Variants in PPP2R5E observed in about 807,000 individuals in gnomAD.
PPP2R5E encodes the protein serine/threonine-protein phosphatase 2A 56 kDa regulatory subunit epsilon isoform.
PPP2R5E carries 4 observed loss-of-function variants against 65.3 expected under a neutral mutation model. The observed-to-expected ratio is 0.06, with a 90% confidence interval of 0.03 to 0.14. The LOEUF is 0.14. PPP2R5E is among the 10% of genes least tolerant of loss of function. The pLI is 1.00. For synonymous variants in PPP2R5E, 183 were observed against 187.4 expected, an observed-to-expected ratio of 0.98 and a Z score of 0.19; for missense variants, 274 against 556.1, an observed-to-expected ratio of 0.49 and a Z score of 5.10.
chr14:63,512,314 A>G (rs1476643633), intron 2 of PPP2R5E, among the ~76,000 whole-genome samples: 1 of 152,164 alleles, frequency 6.6e-6, no homozygotes, highest in Non-Finnish European at 1.5e-5. Context: ...TCCTTAGCAG[A>G]TACAGATAGA....
chr14:63,540,723 A>G (rs1228434130), intron 1 of PPP2R5E, among the ~76,000 whole-genome samples: 1 of 127,654 alleles, frequency 7.8e-6, no homozygotes, highest in Non-Finnish European at 1.5e-5. Flanking sequence ...ACTCCTTCTC[A>G]AAAAAAAAAA....
At chr14:63,516,642 C>T (rs925139477) in intron 2 of PPP2R5E, among the ~76,000 whole-genome samples, 1 of 152,190 alleles carries the variant, frequency 6.6e-6, no homozygotes, top group Non-Finnish European at 1.5e-5. Context: ...CATTTGGCAA[C>T]CACCACCAAT....
chr14:63,424,184 G>A (rs918747210), intron 3 of PPP2R5E, among the ~76,000 whole-genome samples: 1 of 152,188 alleles, frequency 6.6e-6, no homozygotes, highest in Non-Finnish European at 1.5e-5. Flanking sequence ...ACTAATTAAG[G>A]ACAAGACATA....
chr14:63,505,981 G>C (rs1259360962), intron 2 of PPP2R5E, among the ~76,000 whole-genome samples: 1 of 152,110 alleles, frequency 6.6e-6, no homozygotes, highest in African/African-American at 2.4e-5. Flanking sequence ...TTCAATAAAA[G>C]GTAGTGTTTC....
chr14:63,465,662 G>A (rs1032605114), intron 2 of PPP2R5E, among the ~76,000 whole-genome samples: 2 of 151,936 alleles, frequency 1.3e-5, no homozygotes, highest in Non-Finnish European at 2.9e-5. Flanking sequence ...TTAATTTTTT[G>A]TTAAAATTTT....
intron 1 of PPP2R5E, among the ~76,000 whole-genome samples, chr14:63,540,114 G>A (rs1169685964): frequency 7.3e-6 from 1 of 137,346 alleles, no homozygotes; most frequent in Non-Finnish European, 1.5e-5. Context: ...GAGTGACAGA[G>A]TGAGATTCCG....
At chr14:63,420,620 A>G (rs1002637913) in intron 4 of PPP2R5E, among the ~76,000 whole-genome samples, 2 of 152,214 alleles carry the variant, frequency 1.3e-5, no homozygotes, top group African/African-American at 2.4e-5. Flanking sequence ...ACACGTGTGT[A>G]CTTGCAGAAA....
chr14:63,417,275 C>G (rs960322351), intron 4 of PPP2R5E, among the ~76,000 whole-genome samples: 1 of 152,162 alleles, frequency 6.6e-6, no homozygotes, highest in Non-Finnish European at 1.5e-5. Flanking sequence ...CTTTGGGAAG[C>G]TGCAAGCTCA....
Position 63,399,094 on chromosome 14 carries a change from T to G in PPP2R5E, c.550-2378A>C, listed in dbSNP as rs186481126. 1.3e-3 allele frequency among the ~76,000 whole-genome samples: 199 copies of G among 152,266 alleles called. 2 individuals are homozygous for G. The highest frequency in any genetic ancestry group is 4.7e-3 in the African/African-American group (197 of 41,568). On this transcript the variant is annotated intron_variant, in intron 5 of 13. Transcript: ENST00000337537. ...ATGTTCATGGGAGCAATATTCATAA[T>G]AGCTAAAAACTGAAACAACCCAAAT... is the stretch of plus-strand genomic sequence containing the variant.
chr14:63,407,015 T>G lies in PPP2R5E; in HGVS notation c.549+8125A>C, dbSNP rs574403339. ...CAAAACAAGAATCCTAATAAAAATA[T>G]TAGTGACACCACCAGCATAACGTTT... is the stretch of plus-strand genomic sequence containing the variant. On this transcript the variant is annotated intron_variant, in intron 5 of 13. Coordinates refer to ENST00000337537, the MANE Select transcript of PPP2R5E (RefSeq NM_006246.5). Among the ~76,000 whole-genome samples the G allele has an allele frequency of 2.0e-5, 3 of 152,340 alleles. No individual in the cohort carries two copies. The South Asian group carries it at 6.2e-4, about 32-fold the overall frequency.
intron 2 of PPP2R5E, among the ~76,000 whole-genome samples, chr14:63,481,754 C>T (rs1437960155): frequency 6.6e-6 from 1 of 152,132 alleles, no homozygotes; most frequent in Non-Finnish European, 1.5e-5. Context: ...AACACAGCCT[C>T]ATGGTCACAA....
chr14:63,443,300 C>T (rs567018758), intron 3 of PPP2R5E, among the ~76,000 whole-genome samples: 1 of 152,252 alleles, frequency 6.6e-6, no homozygotes, highest in South Asian at 2.1e-4. Flanking sequence ...ACATATTCTA[C>T]CATTTGAGGT....
chr14:63,488,527 C>T (rs548682487), intron 2 of PPP2R5E, among the ~76,000 whole-genome samples: 3 of 151,924 alleles, frequency 2.0e-5, no homozygotes, highest in Non-Finnish European at 4.4e-5. Context: ...AAGAGAATCC[C>T]CTAGACTCTA....
chr14:63,444,147 T>A (rs920969546), intron 3 of PPP2R5E, among the ~76,000 whole-genome samples: 3 of 152,100 alleles, frequency 2.0e-5, no homozygotes, highest in Non-Finnish European at 4.4e-5. Flanking sequence ...ACCATTCACC[T>A]CCTCCCACTC....
At chr14:63,488,383 T>C (rs973439248) in intron 2 of PPP2R5E, among the ~76,000 whole-genome samples, 1 of 152,024 alleles carries the variant, frequency 6.6e-6, no homozygotes, top group African/African-American at 2.4e-5. Context: ...TTATTCTTTT[T>C]GTAGAGACAG....
intron 2 of PPP2R5E, among the ~76,000 whole-genome samples, chr14:63,530,051 A>C (rs75599241): frequency 0.013 from 2,040 of 152,182 alleles, 38 homozygotes; most frequent in African/African-American, 0.047. Context: ...ACGTGAATGG[A>C]AGGGATGAAT....
At chr14:63,529,766 T>C (rs1050500416) in intron 2 of PPP2R5E, among the ~76,000 whole-genome samples, 1 of 152,090 alleles carries the variant, frequency 6.6e-6, no homozygotes, top group African/African-American at 2.4e-5. Flanking sequence ...GGGAAGAAAA[T>C]TCTAGGTAGA....
chr14:63,472,207 G>A (rs1425793413), intron 2 of PPP2R5E, among the ~76,000 whole-genome samples: 2 of 152,196 alleles, frequency 1.3e-5, no homozygotes, highest in East Asian at 1.9e-4. Flanking sequence ...GGCTGAGGCA[G>A]GAGAATCGGC....
chr14:63,412,955 A>G (rs1172863651), intron 5 of PPP2R5E, among the ~76,000 whole-genome samples: 3 of 152,238 alleles, frequency 2.0e-5, no homozygotes, highest in South Asian at 2.1e-4. Context: ...ATATACTAAG[A>G]AATTATTCTG....
Sources: allele counts gnomAD v4.1 joint callset (sites outside exome capture counted in the v4.1 genomes callset), GRCh38; gene constraint gnomAD v4.1.1; transcripts MANE v1.5; gene names NCBI Gene and HGNC (gene_info 2026-07-23, HGNC 2026-07-21).